MICU2: variants seen among roughly 807,000 people sequenced by gnomAD.
MICU2 encodes the protein mitochondrial calcium uptake 2, also known as calcium uptake protein 2, mitochondrial.
Under a neutral mutation model 60.4 loss-of-function variants are expected in MICU2, and 64 were observed. The ratio of observed to expected loss-of-function variants is 1.06; its 90% CI spans 0.87 to 1.31. The LOEUF (loss-of-function observed/expected upper bound fraction) is 1.31, where lower values mean the gene tolerates loss of function less well. Among genes scored for constraint, MICU2 ranks in the 50% most tolerant of loss-of-function variants. MICU2 has a pLI of 0.00. For synonymous variants in MICU2, 201 were observed against 175.0 expected (o/e 1.15, Z -1.17); for missense variants, 569 against 531.0 (o/e 1.07, Z -0.70).
Position 21,522,602 on chromosome 13 carries a change from C to G in MICU2, c.514+1G>C, listed in dbSNP as rs761120350. The G allele has an allele frequency of 6.3e-7, 1 of 1,598,342 alleles. No individual in the cohort carries two copies. Among genetic ancestry groups the G allele is most frequent in the South Asian group, 1.1e-5 (1 of 88,038 alleles). ...TCTGAGAAAAACTGTGGGATACTTA[C>G]TAGTGAGGATTGTAAGCAAGAAAAG... On this transcript the variant is annotated splice_donor_variant, in intron 5 of 11. Transcript: ENST00000382374. LOFTEE classifies it high-confidence loss of function.
chr13:21,495,628 C>T (rs937168485), intron 10 of MICU2: 12 of 248,858 alleles, frequency 4.8e-5, no homozygotes, highest in East Asian at 8.9e-5. Context: ...CTCCGTCTCC[C>T]GGGTTCAAGC....
At chr13:21,553,697 TG>T (rs1397734054) in intron 2 of MICU2, among the ~76,000 whole-genome samples, 1 of 152,118 alleles carries the variant, frequency 6.6e-6, no homozygotes, top group Non-Finnish European at 1.5e-5. Flanking sequence ...TAACCTTAAA[TG>T]TAAATGGGCT....
chr13:21,514,786 C>T (rs575900442), intron 6 of MICU2, among the ~76,000 whole-genome samples: 146 of 151,614 alleles, frequency 9.6e-4, no homozygotes, highest in Non-Finnish European at 2.0e-3. Context: ...GTGATCCACC[C>T]GCCTCGGCCT....
chr13:21,565,295 A>AT (rs1232942453), intron 2 of MICU2, among the ~76,000 whole-genome samples: 1 of 151,300 alleles, frequency 6.6e-6, no homozygotes, highest in Non-Finnish European at 1.5e-5. Context: ...TGGGAGGCCA[A>AT]GGGGGGTGGA....
chr13:21,601,241 G>A (rs778375483), intron 1 of MICU2, among the ~76,000 whole-genome samples: 4 of 152,186 alleles, frequency 2.6e-5, no homozygotes, highest in Non-Finnish European at 5.9e-5. Context: ...GCTCAACTAT[G>A]CACACCTGTC....
At chr13:21,590,660 G>A (rs1017212612) in intron 1 of MICU2, among the ~76,000 whole-genome samples, 10 of 152,050 alleles carry the variant, frequency 6.6e-5, no homozygotes, top group African/African-American at 2.2e-4. Flanking sequence ...CGAGACCATC[G>A]TGGCCAACAT....
intron 2 of MICU2, among the ~76,000 whole-genome samples, chr13:21,551,767 T>G (rs912523240): frequency 8.6e-5 from 13 of 152,010 alleles, no homozygotes; most frequent in Non-Finnish European, 1.8e-4. Context: ...GGACATGAAC[T>G]CATCATTTTT....
At chr13:21,537,601 C>G (rs1887164619) in intron 4 of MICU2, among the ~76,000 whole-genome samples, 1 of 152,006 alleles carries the variant, frequency 6.6e-6, no homozygotes, top group Admixed American at 6.6e-5. Context: ...TCCTGAGTAG[C>G]TGGGATTACA....
chr13:21,595,841 T>C (rs758169099), intron 1 of MICU2, among the ~76,000 whole-genome samples: 8 of 152,260 alleles, frequency 5.3e-5, no homozygotes, highest in African/African-American at 1.7e-4. Flanking sequence ...CTTTAGTTCC[T>C]TCACGGTCCA....
chr13:21,561,720 T>TA lies in MICU2; in HGVS notation c.358+5076dup, dbSNP rs1566161384. ...TTTTTTTTTTTAGTCTCTTTTTTTT[T>TA]ATTATTATTATACTTTTAAGTTTTA... On this transcript the variant is annotated intron_variant, in intron 2 of 11. Transcript: ENST00000382374. Among the ~76,000 whole-genome samples, 5 of 150,788 alleles carry TA rather than the reference T, an allele frequency of 3.3e-5. 1 individual carries two copies. The highest frequency in any genetic ancestry group is 5.9e-5 in the Non-Finnish European group (4 of 67,672).
intron 1 of MICU2, among the ~76,000 whole-genome samples, chr13:21,583,507 G>C (rs906984035): frequency 9.2e-5 from 14 of 152,196 alleles, no homozygotes; most frequent in Non-Finnish European, 1.5e-4. Context: ...TACTAGGACA[G>C]ACAAGTCTTT....
chr13:21,502,247 G>A (rs1255154249), intron 9 of MICU2, among the ~76,000 whole-genome samples: 1 of 151,736 alleles, frequency 6.6e-6, no homozygotes, highest in Admixed American at 6.6e-5. Context: ...TACAATAGAA[G>A]TAACTTTTTA....
At chr13:21,508,523 T>C (rs1344040221) in intron 8 of MICU2, among the ~76,000 whole-genome samples, 1 of 152,216 alleles carries the variant, frequency 6.6e-6, no homozygotes, top group Non-Finnish European at 1.5e-5. Flanking sequence ...TCTGACCAAA[T>C]ACCCTTCACG....
At position 21,495,234 on chromosome 13, in the gene MICU2, A is replaced by G; in HGVS notation, c.1127T>C (p.Leu376Ser). The change falls in exon 11 of 12, where the codon TTG becomes TCG. Residue 376 changes from leucine to serine, a missense_variant. Leu to Ser is a moderately radical substitution (Grantham distance 145). Coordinates refer to ENST00000382374, the MANE Select transcript of MICU2 (RefSeq NM_152726.3). ...ILDTVFKIFD[L>S]DGDECLSHEE... The stretch of plus-strand genomic sequence containing the variant: ...ATGACTAAGACATTCATCACCATCC[A>G]AATCAAAGATCTTAAAGACAGTGTC... The G allele has an allele frequency of 1.9e-6, 3 of 1,613,622 alleles. No individual in the cohort carries two copies. Among genetic ancestry groups the G allele is most frequent in the Non-Finnish European group, 2.5e-6 (3 of 1,179,790 alleles).
intron 6 of MICU2, among the ~76,000 whole-genome samples, chr13:21,517,272 C>T (rs1886593341): frequency 6.6e-6 from 1 of 152,202 alleles, no homozygotes; most frequent in Non-Finnish European, 1.5e-5. Context: ...ATTACTTTTA[C>T]ATTTGCTACT....
chr13:21,529,901 A>C (rs1886945633), intron 4 of MICU2, among the ~76,000 whole-genome samples: 1 of 152,278 alleles, frequency 6.6e-6, no homozygotes, highest in African/African-American at 2.4e-5. Flanking sequence ...GGGATGGAGA[A>C]GGGGAAGGAT....
At position 21,512,740 on chromosome 13, in the gene MICU2, C is replaced by T. The variant is rs535561104; in HGVS notation, c.663+1613G>A. Among the ~76,000 whole-genome samples the T allele has an allele frequency of 1.3e-4, 20 of 152,204 alleles. No homozygotes were observed. The East Asian group carries it at 3.9e-3, about 29-fold the overall frequency. On this transcript the variant is annotated intron_variant, in intron 7 of 11. Coordinates refer to ENST00000382374, the MANE Select transcript of MICU2 (RefSeq NM_152726.3). ...ACGAATTTTTAATTTTGATGAAATC[C>T]AATATATCTACTTTTTCTTCTGTTG...
intron 4 of MICU2, among the ~76,000 whole-genome samples, chr13:21,532,235 T>C (rs919524831): frequency 6.6e-6 from 1 of 152,208 alleles, no homozygotes; most frequent in African/African-American, 2.4e-5. Context: ...TTCAAATCTC[T>C]TTACGTTCAA....
At chr13:21,497,239 C>A (rs929293186) in intron 9 of MICU2, among the ~76,000 whole-genome samples, 2 of 150,710 alleles carry the variant, frequency 1.3e-5, no homozygotes, top group Non-Finnish European at 2.9e-5. Context: ...GTGGTGCACA[C>A]CTGTAGTCCC....
Sources: allele counts gnomAD v4.1 joint callset (sites outside exome capture counted in the v4.1 genomes callset), GRCh38; gene constraint gnomAD v4.1.1; transcripts MANE v1.5; gene names NCBI Gene and HGNC (gene_info 2026-07-23, HGNC 2026-07-21).